The following HS3ST1 variants were observed in gnomAD, a reference collection of about 807,000 sequenced individuals.
The protein encoded by HS3ST1 is heparan sulfate glucosamine 3-O-sulfotransferase 1.
In HS3ST1, 8 loss-of-function variants were observed where a neutral mutation model predicts 20.7. That is an observed-to-expected ratio of 0.39 (90% CI 0.23 to 0.70). The LOEUF is 0.70. Ranked by LOEUF, HS3ST1 falls within the 30% of genes least tolerant of loss-of-function variation. HS3ST1 has a pLI of 0.46. For missense variants in HS3ST1, 436 were observed against 423.4 expected (o/e 1.03, Z -0.26); for synonymous variants, 205 against 190.4 (o/e 1.08, Z -0.63).
intron 1 of HS3ST1, among the ~76,000 whole-genome samples, chr4:11,405,615 C>G (rs887319722): frequency 1.3e-5 from 2 of 151,992 alleles, no homozygotes; most frequent in African/African-American, 4.8e-5. Context: ...GTACTGGGAA[C>G]ATATTTTAAC....
intron 1 of HS3ST1, among the ~76,000 whole-genome samples, chr4:11,412,033 G>A (rs224462): frequency 0.17 from 26,364 of 152,096 alleles, 2,787 homozygotes; most frequent in East Asian, 0.37. Flanking sequence ...AGTGGGGCTG[G>A]CATAGAAAAC....
chr4:11,429,237 G>T (rs988058948), upstream of HS3ST1: 7 of 152,588 alleles, frequency 4.6e-5, no homozygotes, highest in Non-Finnish European at 1.0e-4. Flanking sequence ...AGAAGGTGAG[G>T]CTGCTGGGAT....
At position 11,399,654 on chromosome 4, in the gene HS3ST1, C is replaced by A. The variant is rs781322372; in HGVS notation, c.352G>T (p.Glu118Ter). The A allele has an allele frequency of 1.2e-6, 2 of 1,613,962 alleles. No individual in the cohort carries two copies. The highest frequency in any genetic ancestry group is 8.5e-7 in the Non-Finnish European group (1 of 1,180,038). Residue 118 changes from glutamate (E) to a stop codon, truncating the protein, a stop_gained, in exon 2 of 2, where the codon GAG becomes TAG. Coordinates refer to ENST00000002596, the MANE Select transcript of HS3ST1 (RefSeq NM_005114.4). LOFTEE classifies it high-confidence loss of function. This position sits in a 1 kb window ranked among gnomAD's most constrained non-coding sequence, Gnocchi z 5.1. The stretch of plus-strand genomic sequence containing the variant: ...GACGTGAAATACGCGGGGGTCTTCT[C>A]CACTGTGAGCTGGTGTGGCCAGGAG... The part of the protein sequence containing the change: ...PFSWPHQLTV[E>*]KTPAYFTSPK...
At chr4:11,418,100 C>T (rs1278489409) in intron 1 of HS3ST1, among the ~76,000 whole-genome samples, 2 of 151,782 alleles carry the variant, frequency 1.3e-5, no homozygotes, top group African/African-American at 2.4e-5. Context: ...GAGCCCCTCT[C>T]TTCTCAGCCC....
intron 1 of HS3ST1, among the ~76,000 whole-genome samples, chr4:11,401,569 C>G (rs1365210590): frequency 6.6e-6 from 1 of 152,086 alleles, no homozygotes; most frequent in Non-Finnish European, 1.5e-5. Flanking sequence ...GTCTCGAAAT[C>G]CCACCCTCAG....
At position 11,398,461 on chromosome 4, in the gene HS3ST1, G is replaced by A. The variant is rs1348326567; in HGVS notation, c.*621C>T. 3.9e-5 allele frequency: 6 copies of A among 152,224 alleles called. No individual in the cohort carries two copies. The highest frequency in any genetic ancestry group is 1.4e-4 in the African/African-American group (6 of 41,428). 9.4% of individuals were successfully genotyped at this position (152,224 alleles called of 1,614,324 possible). A position where few individuals can be genotyped will look rare whatever the true frequency, so the allele number is the denominator to read the frequency against. ...CAAGATGGATCCCAAGAGACCTCTA[G>A]CCAGTCACTAACTGCTTCTCCATCC... On this transcript the variant is annotated 3_prime_UTR_variant, in exon 2 of 2. Transcript: ENST00000002596.
At chr4:11,432,123 T>C (rs1387757591), upstream of HS3ST1, among the ~76,000 whole-genome samples, 1 of 152,188 alleles carries the variant, frequency 6.6e-6, no homozygotes, top group African/African-American at 2.4e-5. Context: ...TTTTTCTCTT[T>C]CCCACAAAAT....
rs184215384 is a variant in HS3ST1, at chr4:11,420,237, C to T, written c.-109+8462G>A. Among the ~76,000 whole-genome samples the T allele has an allele frequency of 4.3e-3, 662 of 152,340 alleles. 1 individual carries two copies. Among genetic ancestry groups the T allele is most frequent in the South Asian group, 0.033 (159 of 4,826 alleles). Reference sequence around the variant, plus strand: ...GAAACTCTGCTTTGGAAAGACCACACGCAACAAAACTGTTGTTAATTTAGT... The same window carrying T: ...GAAACTCTGCTTTGGAAAGACCACATGCAACAAAACTGTTGTTAATTTAGT... On this transcript the variant is annotated intron_variant, in intron 1 of 1. Coordinates refer to ENST00000002596, the MANE Select transcript of HS3ST1 (RefSeq NM_005114.4).
intron 1 of HS3ST1, among the ~76,000 whole-genome samples, chr4:11,412,535 AG>A (rs368875887): frequency 1.3e-4 from 20 of 152,330 alleles, no homozygotes; most frequent in African/African-American, 3.1e-4. Flanking sequence ...ATAGGTTAAA[AG>A]TAGCACCATA....
chr4:11,427,580 G>A (rs1389201013), intron 1 of HS3ST1, among the ~76,000 whole-genome samples: 3 of 152,372 alleles, frequency 2.0e-5, no homozygotes, highest in East Asian at 3.9e-4. Context: ...TGTGGGAAAG[G>A]GAGGAGCGAG....
Position 11,399,242 on chromosome 4 carries a change from T to G in HS3ST1, c.764A>C (p.Tyr255Ser). 1.2e-6 allele frequency: 2 copies of G among 1,614,208 alleles called. No individual in the cohort carries two copies. Among genetic ancestry groups the G allele is most frequent in the Non-Finnish European group, 1.7e-6 (2 of 1,180,046 alleles). Residue 255 changes from tyrosine to serine, a missense_variant, in exon 2 of 2, where the codon TAC becomes TCC. Coordinates refer to ENST00000002596, the MANE Select transcript of HS3ST1 (RefSeq NM_005114.4). The surrounding 1 kb of genome is among the most constrained non-coding windows in gnomAD (Gnocchi z 5.1). Reference protein sequence around the residue: ...NFYFNKTKGFYCLRDSGRDRC... With the variant: ...NFYFNKTKGFSCLRDSGRDRC... ...GTCCCGGCCGCTGTCCCGCAGGCAGTAAAAGCCCTTGGTTTTGTTAAAGTA... is the reference window on the plus strand; with the variant it reads ...GTCCCGGCCGCTGTCCCGCAGGCAGGAAAAGCCCTTGGTTTTGTTAAAGTA...
In HS3ST1 at chr4:11,399,886, G is replaced by A. The variant is rs1718273867; in HGVS notation, c.120C>T (p.Asp40=). The A allele has an allele frequency of 5.0e-6, 8 of 1,611,370 alleles. No homozygotes were observed. In the East Asian group the frequency reaches 1.8e-4, roughly 36 times the overall value. ...CGTTTGGGGCCACGCCATCGCGGAC[G>A]TCATCCTGGAGGGTCCCCGCTTTCC... ...LLRKAGTLQD[D]VRDGVAPNGS... is the part of the protein sequence containing the mutation. Residue 40 remains aspartate, a synonymous_variant, in exon 2 of 2, where the codon GAC becomes GAT. Transcript: ENST00000002596. The surrounding 1 kb of genome is among the most constrained non-coding windows in gnomAD (Gnocchi z 5.1).
chr4:11,424,452 C>A (rs1300233682), intron 1 of HS3ST1, among the ~76,000 whole-genome samples: 2 of 152,162 alleles, frequency 1.3e-5, no homozygotes, highest in Non-Finnish European at 2.9e-5. Context: ...ATGTTTCATG[C>A]TGGAGACAGG....
At chr4:11,432,036 C>T (rs1345431066), upstream of HS3ST1, among the ~76,000 whole-genome samples, 1 of 152,088 alleles carries the variant, frequency 6.6e-6, no homozygotes, top group Non-Finnish European at 1.5e-5. Flanking sequence ...AGGAAGCTAC[C>T]CTTCCAGTAA....
At chr4:11,407,191 G>A (rs1386675888) in intron 1 of HS3ST1, among the ~76,000 whole-genome samples, 1 of 152,174 alleles carries the variant, frequency 6.6e-6, no homozygotes, top group African/African-American at 2.4e-5. Context: ...TGTGAGGTGG[G>A]ATGGGGTGAA....
intron 1 of HS3ST1, among the ~76,000 whole-genome samples, chr4:11,413,788 G>A (rs1435148550): frequency 1.3e-5 from 2 of 152,034 alleles, no homozygotes; most frequent in Non-Finnish European, 1.5e-5. Context: ...AATGGACTGA[G>A]AGATCTACAT....
At chr4:11,433,485 G>A (rs571438847), upstream of HS3ST1, among the ~76,000 whole-genome samples, 125 of 152,296 alleles carry the variant, frequency 8.2e-4, 2 homozygotes, top group African/African-American at 2.9e-3. Context: ...TTGCAGGCTT[G>A]AAGTGGTCCC....
rs1371497439 is a variant in HS3ST1 at position 11,399,869 on chromosome 4, G to A, written c.137C>T (p.Ala46Val). 1 of 1,612,478 alleles carries A rather than the reference G, an allele frequency of 6.2e-7. No homozygotes were observed. The highest frequency in any genetic ancestry group is 8.5e-7 in the Non-Finnish European group (1 of 1,179,810). Reference sequence around the variant, plus strand: ...CAACTGCTGGGCAGAGCCGTTTGGGGCCACGCCATCGCGGACGTCATCCTG... The same window carrying A: ...CAACTGCTGGGCAGAGCCGTTTGGGACCACGCCATCGCGGACGTCATCCTG... The part of the protein sequence containing the change: ...TLQDDVRDGV[A>V]PNGSAQQLPQ... Residue 46 changes from alanine (A) to valine (V), a missense_variant, in exon 2 of 2, where the codon GCC becomes GTC. By Grantham distance (64) the Ala-to-Val change is moderately conservative. Coordinates refer to ENST00000002596, the MANE Select transcript of HS3ST1 (RefSeq NM_005114.4). This position sits in a 1 kb window ranked among gnomAD's most constrained non-coding sequence, Gnocchi z 5.1.
At position 11,400,038 on chromosome 4, in the gene HS3ST1, C is replaced by T. The variant is rs997130623; in HGVS notation, c.-33G>A. ...ACCACGGTGGCTTCACTGGGCCGCG[C>T]GCCGCTGGGTCATGAAGTGCCGCAG... On this transcript the variant is annotated 5_prime_UTR_variant, in exon 2 of 2. Coordinates refer to ENST00000002596, the MANE Select transcript of HS3ST1 (RefSeq NM_005114.4). 36 of 1,463,440 alleles carry T rather than the reference C, an allele frequency of 2.5e-5. No individual in the cohort carries two copies. The highest frequency in any genetic ancestry group is 3.0e-5 in the Non-Finnish European group (33 of 1,110,922). The allele number at this position is 1,463,440 out of a possible 1,614,324, so 90.7% of individuals were successfully genotyped here. A position where few individuals can be genotyped will look rare whatever the true frequency, so the allele number is the denominator to read the frequency against.
Sources: allele counts gnomAD v4.1 joint callset (sites outside exome capture counted in the v4.1 genomes callset), GRCh38; gene constraint gnomAD v4.1.1; non-coding constraint Gnocchi (gnomAD v3.1); transcripts MANE v1.5; gene names NCBI Gene and HGNC (gene_info 2026-07-23, HGNC 2026-07-21).